FRS2: variants seen among roughly 807,000 people sequenced by gnomAD.
FRS2 encodes FGFR signalling adaptor.
FRS2 carries 8 observed loss-of-function variants against 43.9 expected under a neutral mutation model. The ratio of observed to expected loss-of-function variants is 0.18; its 90% CI spans 0.11 to 0.33. The LOEUF is 0.33. FRS2 is among the 10% of genes least tolerant of loss of function. The pLI is 1.00. For missense variants in FRS2, 534 were observed against 627.6 expected, an observed-to-expected ratio of 0.85 and a Z score of 1.59; for synonymous variants, 219 against 220.3, an observed-to-expected ratio of 0.99 and a Z score of 0.05.
intron 1 of FRS2, among the ~76,000 whole-genome samples, chr12:69,517,854 TTACCTG>T (rs1020453068): frequency 6.6e-5 from 10 of 152,224 alleles, no homozygotes; most frequent in Non-Finnish European, 1.5e-5. Context: ...TTCATTTTCT[TTACCTG>T]TAAAATATAA....
At chr12:69,470,728 G>A (rs2120515467) in intron 1 of FRS2, among the ~76,000 whole-genome samples, 198 bp downstream of exon 1, 1 of 152,308 alleles carries the variant, frequency 6.6e-6, no homozygotes, top group East Asian at 1.9e-4. Flanking sequence ...GGGTGGGCGG[G>A]GCGGAGCCAG....
At chr12:69,512,967 A>G (rs972711078) in intron 1 of FRS2, among the ~76,000 whole-genome samples, 15 of 152,192 alleles carry the variant, frequency 9.9e-5, no homozygotes, top group Non-Finnish European at 5.9e-5. Context: ...TGAAGGGCAA[A>G]AGGAAGATGT....
chr12:69,504,795 C>G (rs1193968008), intron 1 of FRS2, among the ~76,000 whole-genome samples: 1 of 152,164 alleles, frequency 6.6e-6, no homozygotes, highest in African/African-American at 2.4e-5. Flanking sequence ...CAGTTCCCCA[C>G]TTTTTAAGTT....
rs930081499 is a variant in FRS2 at position 69,478,744 on chromosome 12, G to A, written c.-261+8214G>A. Among the ~76,000 whole-genome samples the A allele has an allele frequency of 6.2e-3, 937 of 151,692 alleles. 9 individuals carry two copies. The highest frequency in any genetic ancestry group is 0.021 in the African/African-American group (881 of 41,338). Reference sequence around the variant, plus strand: ...TCATTATGTGTGTGTGTGTGTGTGTGTGTGTGTGTGTGTGTGTGTAAAGAA... The same window carrying A: ...TCATTATGTGTGTGTGTGTGTGTGTATGTGTGTGTGTGTGTGTGTAAAGAA... On this transcript the variant is annotated intron_variant, in intron 1 of 8. Transcript: ENST00000549921.
In FRS2 at chr12:69,557,619, T is replaced by TATGCGCAC. The variant is rs71437110; in HGVS notation, c.-121-4561_-121-4560insATGCGCAC. On this transcript the variant is annotated intron_variant, in intron 3 of 8. Coordinates refer to ENST00000549921, the MANE Select transcript of FRS2 (RefSeq NM_001278356.2). ...TTGTGTGTGTGTGTGTGTGTGTGTG[T>TATGCGCAC]GCGCGCGCGCGCGCGCGCAGGTGCA... is the stretch of plus-strand genomic sequence containing the variant. Among the ~76,000 whole-genome samples, 65 of 119,026 alleles carry TATGCGCAC rather than the reference T, an allele frequency of 5.5e-4. 1 individual carries two copies. Among genetic ancestry groups the TATGCGCAC allele is most frequent in the Non-Finnish European group, 4.8e-4 (25 of 52,000 alleles). 78.1% of individuals were successfully genotyped at this position (119,026 alleles called of 152,430 possible). A position where few individuals can be genotyped will look rare whatever the true frequency, so the allele number is the denominator to read the frequency against.
chr12:69,527,280 A>G (rs1235356639), intron 1 of FRS2, among the ~76,000 whole-genome samples: 1 of 148,824 alleles, frequency 6.7e-6, no homozygotes, highest in Non-Finnish European at 1.5e-5. Flanking sequence ...ATAGCAGTGA[A>G]TCTTTCTTCA....
Position 69,574,371 on chromosome 12 carries a change from C to G in FRS2, c.943C>G (p.Pro315Ala), listed in dbSNP as rs1881023700. The G allele has an allele frequency of 6.2e-7, 1 of 1,613,320 alleles. No individual in the cohort carries two copies. ...VYENINGLSI[P>A]SASGVRRGRL... ...TGAAAATATAAATGGGCTATCTATC[C>G]CTAGTGCCTCAGGGGTCAGGAGAGG... The change falls in exon 9 of 9, where the codon CCT becomes GCT. Residue 315 changes from proline to alanine, a missense_variant. Transcript: ENST00000549921.
intron 4 of FRS2, among the ~76,000 whole-genome samples, chr12:69,565,497 T>TA (rs1880213914): frequency 6.6e-6 from 1 of 152,076 alleles, no homozygotes; most frequent in Admixed American, 6.5e-5. Flanking sequence ...TTGACTCTCT[T>TA]ATAATATTTA....
chr12:69,522,946 G>A (rs1167465448), intron 1 of FRS2, among the ~76,000 whole-genome samples: 1 of 152,156 alleles, frequency 6.6e-6, no homozygotes, highest in African/African-American at 2.4e-5. Context: ...GGTGCAGAAA[G>A]GTAGTTGGTA....
Position 69,544,965 on chromosome 12 carries a change from A to G in FRS2, c.-122+12909A>G, listed in dbSNP as rs766042055. On this transcript the variant is annotated intron_variant, in intron 3 of 8. Transcript: ENST00000549921. Reference sequence around the variant, plus strand: ...GAAGTAAAGTGGTCTCTGTTTATAGATGATATGATCCTGTACATAGAAAAC... The same window carrying G: ...GAAGTAAAGTGGTCTCTGTTTATAGGTGATATGATCCTGTACATAGAAAAC... Among the ~76,000 whole-genome samples, 25 of 152,290 alleles carry G rather than the reference A, an allele frequency of 1.6e-4. 1 individual carries two copies. The South Asian group carries it at 3.5e-3, about 21-fold the overall frequency.
At chr12:69,567,865 G>C (rs762782403) in intron 4 of FRS2, among the ~76,000 whole-genome samples, 1 of 151,828 alleles carries the variant, frequency 6.6e-6, no homozygotes, top group Non-Finnish European at 1.5e-5. Flanking sequence ...GACTGGATCT[G>C]TTAGACAGGG....
intron 2 of FRS2, among the ~76,000 whole-genome samples, chr12:69,531,490 AT>A (rs1317010207): frequency 3.9e-5 from 6 of 152,186 alleles, no homozygotes; most frequent in Non-Finnish European, 8.8e-5. Flanking sequence ...TAAAAATTAA[AT>A]TTGTTTCGTA....
chr12:69,534,650 A>T (rs1593005840), intron 3 of FRS2, among the ~76,000 whole-genome samples: 1 of 152,160 alleles, frequency 6.6e-6, no homozygotes, highest in Admixed American at 6.5e-5. Flanking sequence ...GAGGGAAGGA[A>T]TGTGGTGTGA....
chr12:69,484,979 C>T (rs917829846), intron 1 of FRS2, among the ~76,000 whole-genome samples: 27 of 151,886 alleles, frequency 1.8e-4, no homozygotes, highest in Admixed American at 7.2e-4. Flanking sequence ...GGCATGGTGA[C>T]ATGCACCTGT....
chr12:69,575,059 T>A lies in FRS2; in HGVS notation c.*104T>A. The A allele has an allele frequency of 1.4e-6, 1 of 729,084 alleles. No homozygotes were observed. The highest frequency in any genetic ancestry group is 1.9e-5 in the South Asian group (1 of 52,446). The allele number at this position is 729,084 out of a possible 1,614,324, so 45.2% of individuals were successfully genotyped here. Reference sequence around the variant, plus strand: ...AACACTAACTCCTTTTATAGACTGATAAAATTTTTTTCTGAATATTTCATG... The same window carrying A: ...AACACTAACTCCTTTTATAGACTGAAAAAATTTTTTTCTGAATATTTCATG... On this transcript the variant is annotated 3_prime_UTR_variant, in exon 9 of 9. Transcript: ENST00000549921.
At position 69,557,619 on chromosome 12, in the gene FRS2, TGCGC is replaced by T. The variant is rs529133007; in HGVS notation, c.-121-4546_-121-4543del. On this transcript the variant is annotated intron_variant, in intron 3 of 8. Coordinates refer to ENST00000549921, the MANE Select transcript of FRS2 (RefSeq NM_001278356.2). ...TTGTGTGTGTGTGTGTGTGTGTGTG[TGCGC>T]GCGCGCGCGCGCGCAGGTGCATGCA... 9.4e-3 allele frequency among the ~76,000 whole-genome samples: 1,117 copies of T among 119,004 alleles called. 4 individuals carry two copies. Among genetic ancestry groups the T allele is most frequent in the South Asian group, 0.026 (103 of 3,936 alleles). The allele number at this position is 119,004 out of a possible 152,430, so 78.1% of individuals were successfully genotyped here.
intron 1 of FRS2, among the ~76,000 whole-genome samples, chr12:69,509,684 G>A (rs1874280653): frequency 6.6e-6 from 1 of 151,940 alleles, no homozygotes; most frequent in Admixed American, 6.6e-5. Context: ...GTCAGGTTTA[G>A]GTTTCAACTT....
intron 1 of FRS2, among the ~76,000 whole-genome samples, chr12:69,519,900 T>C (rs964478112): frequency 6.6e-6 from 1 of 152,240 alleles, no homozygotes; most frequent in African/African-American, 2.4e-5. Flanking sequence ...GACAGAACGA[T>C]TTATATTCCT....
At chr12:69,518,034 T>G (rs761014763) in intron 1 of FRS2, among the ~76,000 whole-genome samples, 1 of 152,132 alleles carries the variant, frequency 6.6e-6, no homozygotes, top group Non-Finnish European at 1.5e-5. Flanking sequence ...GAGGCACAAG[T>G]TAGGGAGGAC....
Sources: allele counts gnomAD v4.1 joint callset (sites outside exome capture counted in the v4.1 genomes callset), GRCh38; gene constraint gnomAD v4.1.1; transcripts MANE v1.5; gene names NCBI Gene and HGNC (gene_info 2026-07-23, HGNC 2026-07-21).